TCF12: variants seen among roughly 807,000 people sequenced by gnomAD.
The protein encoded by TCF12 is DNA-binding protein HTF4.
TCF12 carries 45 observed loss-of-function variants against 86.0 expected under a neutral mutation model. The observed-to-expected ratio is 0.52, with a 90% CI of 0.41 to 0.67. The LOEUF (loss-of-function observed/expected upper bound fraction) is 0.67, where lower values mean the gene tolerates loss of function less well. Ranked by LOEUF, TCF12 falls within the 30% of genes least tolerant of loss-of-function variation. The probability of loss-of-function intolerance (pLI) is 0.00; values close to 1 mark genes in which losing one functional copy is unlikely to be tolerated. For synonymous variants in TCF12, 330 were observed against 299.6 expected (o/e 1.10, Z -1.05); for missense variants, 881 against 859.9 (o/e 1.02, Z -0.31).
intron 5 of TCF12, among the ~76,000 whole-genome samples, chr15:57,135,197 A>T (rs1280149684): frequency 3.9e-5 from 6 of 152,316 alleles, no homozygotes; most frequent in African/African-American, 1.4e-4. Context: ...GGTTTGTAGT[A>T]TGGGATGCAA....
At chr15:56,964,557 G>A (rs1160176737) in intron 3 of TCF12, among the ~76,000 whole-genome samples, 3 of 152,102 alleles carry the variant, frequency 2.0e-5, no homozygotes, top group African/African-American at 7.2e-5. Context: ...CACTACTCAA[G>A]TTTTACTTTT....
In TCF12 at chr15:57,278,695, T is replaced by TCTCTCTCC. The variant is rs2061518428; in HGVS notation, c.1979-3746_1979-3739dup. 7.9e-5 allele frequency: 13 copies of TCTCTCTCC among 165,374 alleles called. No individual in the cohort carries two copies. The South Asian group carries it at 1.9e-3, about 24-fold the overall frequency. 10.2% of individuals were successfully genotyped at this position (165,374 alleles called of 1,614,324 possible). The stretch of plus-strand genomic sequence containing the variant: ...GGATCAAACCTTTCCTCCCTCTCCC[T>TCTCTCTCC]CTCTCTCCCTCCCTCCCTCCCTCTC... On this transcript the variant is annotated intron_variant, in intron 19 of 20. Coordinates refer to ENST00000333725, the MANE Select transcript of TCF12 (RefSeq NM_207037.2).
chr15:57,075,809 TC>T lies in TCF12; in HGVS notation c.222+11987del, dbSNP rs1567370741. Among the ~76,000 whole-genome samples, 4 of 81,632 alleles carry T rather than the reference TC, an allele frequency of 4.9e-5. 1 individual carries two copies. The highest frequency in any genetic ancestry group is 1.6e-4 in the African/African-American group (3 of 18,690). 53.6% of individuals were successfully genotyped at this position (81,632 alleles called of 152,430 possible). On this transcript the variant is annotated intron_variant, in intron 4 of 20. Coordinates refer to ENST00000333725, the MANE Select transcript of TCF12 (RefSeq NM_207037.2). ...TTCTTTCTTTCTTTCTTTCTTTCTC[TC>T]TCTCTCTCTCTCTCTCTCTCTCTCT...
intron 3 of TCF12, among the ~76,000 whole-genome samples, chr15:56,951,449 C>A (rs1032526840): frequency 6.6e-6 from 1 of 151,752 alleles, no homozygotes; most frequent in African/African-American, 2.4e-5. Context: ...GGTACAAGTC[C>A]TTTACGAGAT....
At chr15:57,083,398 C>T (rs1371825090) in intron 4 of TCF12, among the ~76,000 whole-genome samples, 2 of 151,868 alleles carry the variant, frequency 1.3e-5, no homozygotes, top group African/African-American at 4.8e-5. Context: ...TACATTCTCT[C>T]GTTTCTACAA....
chr15:57,058,732 C>T lies in TCF12; in HGVS notation c.149-5018C>T, dbSNP rs576035295. ...ATTCCCTTGCAATTTTAATATTTTC[C>T]TAGCTTTTCCCTTTTTTACTAATGT... On this transcript the variant is annotated intron_variant, in intron 3 of 20. Transcript: ENST00000333725. 6.0e-4 allele frequency among the ~76,000 whole-genome samples: 92 copies of T among 152,168 alleles called. 1 individual carries two copies. In the South Asian group the frequency reaches 7.7e-3, roughly 13 times the overall value.
rs1491211177 is a variant in TCF12 at position 57,007,756 on chromosome 15, TTC to T, written c.149-55992_149-55991del. On this transcript the variant is annotated intron_variant, in intron 3 of 20. Transcript: ENST00000333725. ...AAAATGATGTAACAAATATTTTTCC[TTC>T]TTTCTTTCTTTCTTTCTTTCTTTCT... 2.4e-4 allele frequency among the ~76,000 whole-genome samples: 6 copies of T among 24,504 alleles called. No individual in the cohort carries two copies. The South Asian group carries it at 4.7e-3, about 19-fold the overall frequency. 16.1% of individuals were successfully genotyped at this position (24,504 alleles called of 152,430 possible).
chr15:57,104,225 A>T (rs1451880292), intron 5 of TCF12, among the ~76,000 whole-genome samples: 1 of 152,034 alleles, frequency 6.6e-6, no homozygotes, highest in Non-Finnish European at 1.5e-5. Context: ...ATGAGCATGT[A>T]TTTATACAGA....
At chr15:57,163,802 C>A (rs2054664787) in intron 5 of TCF12, among the ~76,000 whole-genome samples, 1 of 152,142 alleles carries the variant, frequency 6.6e-6, no homozygotes, top group South Asian at 2.1e-4. Context: ...GCCTTCCCTG[C>A]ATGTAATCAA....
chr15:57,039,998 AT>A (rs2066786733), intron 3 of TCF12, among the ~76,000 whole-genome samples: 1 of 152,106 alleles, frequency 6.6e-6, no homozygotes, highest in Non-Finnish European at 1.5e-5. Context: ...GCCTCTCTTG[AT>A]TAGCTTTTCC....
At chr15:57,248,141 T>C in intron 13 of TCF12, 1 of 701,552 alleles carries the variant, frequency 1.4e-6, no homozygotes, top group Non-Finnish European at 2.6e-6. Flanking sequence ...AGGATCCTTT[T>C]CCAGAAGCCT....
chr15:57,218,653 A>T (rs1010014736), intron 8 of TCF12, among the ~76,000 whole-genome samples: 4 of 152,046 alleles, frequency 2.6e-5, no homozygotes, highest in Admixed American at 1.3e-4. Context: ...AGATGTGTGA[A>T]TTTTTTTTAA....
At chr15:57,235,567 G>C (rs543928547) in intron 12 of TCF12, among the ~76,000 whole-genome samples, 131 of 151,974 alleles carry the variant, frequency 8.6e-4, no homozygotes, top group African/African-American at 3.1e-3. Flanking sequence ...CCCTTTTTTC[G>C]ACTTACTGTC....
chr15:57,268,010 T>C (rs1408839264), intron 18 of TCF12, among the ~76,000 whole-genome samples: 2 of 152,074 alleles, frequency 1.3e-5, no homozygotes, highest in Non-Finnish European at 2.9e-5. Flanking sequence ...ACAGTGGTAG[T>C]GTTATGGTGG....
At chr15:57,013,974 T>TA (rs1166839188) in intron 3 of TCF12, among the ~76,000 whole-genome samples, 2 of 152,222 alleles carry the variant, frequency 1.3e-5, no homozygotes, top group African/African-American at 4.8e-5. Flanking sequence ...ATGTTGGTGT[T>TA]ACAAAGTACT....
At chr15:56,949,297 C>G (rs545016449) in intron 3 of TCF12, among the ~76,000 whole-genome samples, 1 of 152,148 alleles carries the variant, frequency 6.6e-6, no homozygotes, top group East Asian at 1.9e-4. Flanking sequence ...AAAAAGTTAC[C>G]AAAAGCATGA....
At chr15:56,969,898 A>T (rs142251747) in intron 3 of TCF12, among the ~76,000 whole-genome samples, 1 of 152,338 alleles carries the variant, frequency 6.6e-6, no homozygotes, top group Non-Finnish European at 1.5e-5. Flanking sequence ...AGTTGGGGTG[A>T]TGAGCAAAAG....
At chr15:57,185,747 G>T (rs896265592) in intron 6 of TCF12, among the ~76,000 whole-genome samples, 3 of 152,112 alleles carry the variant, frequency 2.0e-5, no homozygotes, top group Non-Finnish European at 4.4e-5. Context: ...AGCCAGGTGT[G>T]GTGGTGCACA....
At chr15:56,935,952 C>A (rs1051033347) in intron 3 of TCF12, among the ~76,000 whole-genome samples, 3 of 152,018 alleles carry the variant, frequency 2.0e-5, no homozygotes, top group Non-Finnish European at 4.4e-5. Context: ...TTGCTATAAA[C>A]GTGTGTGCAA....
Sources: allele counts gnomAD v4.1 joint callset (sites outside exome capture counted in the v4.1 genomes callset), GRCh38; gene constraint gnomAD v4.1.1; transcripts MANE v1.5; gene names NCBI Gene and HGNC (gene_info 2026-07-23, HGNC 2026-07-21).